Variants in CNTN5 observed in about 807,000 individuals in gnomAD.
CNTN5 encodes the protein contactin-5.
In CNTN5, 77 loss-of-function variants were observed where a neutral mutation model predicts 129.1. The ratio of observed to expected loss-of-function variants is 0.60; its 90% confidence interval spans 0.50 to 0.72. The LOEUF is 0.72. Ranked by LOEUF, CNTN5 falls within the 30% of genes least tolerant of loss-of-function variation. The pLI, the probability that CNTN5 is intolerant of heterozygous loss-of-function variation, is 0.00. For synonymous variants in CNTN5, 509 were observed against 465.6 expected (o/e 1.09, Z -1.20); for missense variants, 1,478 against 1,328.8 (o/e 1.11, Z -1.75).
At chr11:99,607,761 A>C (rs548784968) in intron 3 of CNTN5, among the ~76,000 whole-genome samples, 1 of 127,636 alleles carries the variant, frequency 7.8e-6, no homozygotes, top group Non-Finnish European at 1.8e-5. Context: ...ATGGAATACT[A>C]TGCAGCCATA....
intron 2 of CNTN5, among the ~76,000 whole-genome samples, chr11:99,550,837 G>A (rs990143368): frequency 1.3e-5 from 2 of 152,120 alleles, no homozygotes; most frequent in African/African-American, 4.8e-5. Flanking sequence ...AGTTGTGTTT[G>A]TTACAAGTCT....
At chr11:99,748,091 G>A (rs191749451) in intron 3 of CNTN5, among the ~76,000 whole-genome samples, 358 of 152,176 alleles carry the variant, frequency 2.4e-3, no homozygotes, top group Non-Finnish European at 4.0e-3. Flanking sequence ...TCCTTTTAAT[G>A]TGCTGCTGAA....
At chr11:99,821,840 C>T (rs149089947) in intron 4 of CNTN5, among the ~76,000 whole-genome samples, 1 of 152,152 alleles carries the variant, frequency 6.6e-6, no homozygotes, top group Admixed American at 6.6e-5. Context: ...AGTGGCAAGG[C>T]TCTAGGCTGG....
chr11:100,178,294 T>C (rs1199637574), intron 13 of CNTN5, among the ~76,000 whole-genome samples: 1 of 152,126 alleles, frequency 6.6e-6, no homozygotes, highest in Non-Finnish European at 1.5e-5. Context: ...AAACATACCA[T>C]GCTCACTTTT....
At chr11:99,685,802 C>T (rs1048573965) in intron 3 of CNTN5, among the ~76,000 whole-genome samples, 1 of 151,992 alleles carries the variant, frequency 6.6e-6, no homozygotes, top group African/African-American at 2.4e-5. Context: ...TAATTTCCTA[C>T]TGAAATACTT....
chr11:99,312,792 G>A (rs576469298), intron 1 of CNTN5, among the ~76,000 whole-genome samples: 128 of 141,396 alleles, frequency 9.1e-4, no homozygotes, highest in African/African-American at 3.2e-3. Flanking sequence ...GAAGAAAAAA[G>A]GATTTAAGAG....
At chr11:100,226,525 G>GA (rs1330619397) in intron 16 of CNTN5, among the ~76,000 whole-genome samples, 1 of 152,136 alleles carries the variant, frequency 6.6e-6, no homozygotes, top group Admixed American at 6.6e-5. Flanking sequence ...CCTAGGAGAT[G>GA]ATAAAATGCA....
At chr11:99,239,203 T>C (rs1394875587) in intron 1 of CNTN5, among the ~76,000 whole-genome samples, 1 of 152,194 alleles carries the variant, frequency 6.6e-6, no homozygotes, top group African/African-American at 2.4e-5. Context: ...CTCAAACTAA[T>C]GGAGCTGAAA....
intron 1 of CNTN5, among the ~76,000 whole-genome samples, chr11:99,201,351 TTTCCTTCC>T (rs71046674): frequency 4.5e-5 from 4 of 88,154 alleles, no homozygotes; most frequent in Non-Finnish European, 8.6e-5. Flanking sequence ...CTTCCTTTCC[TTTCCTTCC>T]TTCCTTCCTT....
chr11:100,289,149 G>T (rs1483949644), intron 18 of CNTN5, among the ~76,000 whole-genome samples: 3 of 151,668 alleles, frequency 2.0e-5, no homozygotes, highest in Non-Finnish European at 4.4e-5. Flanking sequence ...TCCAGGACCA[G>T]ATGGATTCAC....
At chr11:99,670,740 A>G (rs1952999677) in intron 3 of CNTN5, among the ~76,000 whole-genome samples, 1 of 152,160 alleles carries the variant, frequency 6.6e-6, no homozygotes, top group Non-Finnish European at 1.5e-5. Flanking sequence ...GCAAACTGGT[A>G]AAAAGCACGG....
At chr11:100,228,782 G>T (rs1436049267) in intron 16 of CNTN5, among the ~76,000 whole-genome samples, 1 of 152,148 alleles carries the variant, frequency 6.6e-6, no homozygotes, top group African/African-American at 2.4e-5. Context: ...AGTGTGAGAT[G>T]CCTTTGGAAT....
At chr11:99,964,982 T>C (rs1261414752) in intron 8 of CNTN5, among the ~76,000 whole-genome samples, 2 of 152,234 alleles carry the variant, frequency 1.3e-5, no homozygotes, top group Non-Finnish European at 2.9e-5. Context: ...TGGTAGTTTG[T>C]ATTTCTGTGG....
At chr11:100,110,641 G>T (rs1945625464) in intron 13 of CNTN5, among the ~76,000 whole-genome samples, 1 of 152,130 alleles carries the variant, frequency 6.6e-6, no homozygotes, top group Non-Finnish European at 1.5e-5. Context: ...AACTATAATT[G>T]TCTATAGTTA....
chr11:99,432,619 G>A (rs563469670), intron 2 of CNTN5, among the ~76,000 whole-genome samples: 82 of 152,080 alleles, frequency 5.4e-4, no homozygotes, highest in African/African-American at 1.9e-3. Flanking sequence ...TGAGGAAAGA[G>A]TGAGAGCAGT....
chr11:99,240,612 CTGGGGTCT>C lies in CNTN5; in HGVS notation c.-209-84731_-209-84724del, dbSNP rs148301238. Reference sequence around the variant, plus strand: ...TACCAGCTTATTATGAAAAAAATTTCTGGGGTCTTGCAACTTTTGGATCCCTAAACCTT... The same window carrying C: ...TACCAGCTTATTATGAAAAAAATTTCTGCAACTTTTGGATCCCTAAACCTT... On this transcript the variant is annotated intron_variant, in intron 1 of 24. Transcript: ENST00000524871. Among the ~76,000 whole-genome samples the C allele has an allele frequency of 6.8e-3, 1,030 of 152,172 alleles. 10 individuals carry two copies. The highest frequency in any genetic ancestry group is 0.023 in the African/African-American group (962 of 41,528).
intron 1 of CNTN5, among the ~76,000 whole-genome samples, chr11:99,035,395 G>T (rs1352218361): frequency 6.6e-6 from 1 of 152,078 alleles, no homozygotes; most frequent in African/African-American, 2.4e-5. Flanking sequence ...CTGTTAATGC[G>T]TGGGAGTCTA....
At chr11:100,328,253 G>A (rs2138979826) in intron 21 of CNTN5, among the ~76,000 whole-genome samples, 2 of 152,200 alleles carry the variant, frequency 1.3e-5, no homozygotes, top group Middle Eastern at 3.4e-3. Flanking sequence ...CTACTAGGGA[G>A]GCTGAGGTGG....
intron 2 of CNTN5, among the ~76,000 whole-genome samples, chr11:99,395,471 T>C (rs1941472576): frequency 6.6e-6 from 1 of 152,044 alleles, no homozygotes. Context: ...TTTGCAAAAA[T>C]ATTCTCCCAT....
Sources: allele counts gnomAD v4.1 joint callset (sites outside exome capture counted in the v4.1 genomes callset), GRCh38; gene constraint gnomAD v4.1.1; transcripts MANE v1.5; gene names NCBI Gene and HGNC (gene_info 2026-07-23, HGNC 2026-07-21).